Variants in PDE3A observed in about 807,000 individuals in gnomAD.
PDE3A encodes the protein phosphodiesterase 3A.
In PDE3A, 43 loss-of-function variants were observed where a neutral mutation model predicts 98.3. The ratio of observed to expected loss-of-function variants is 0.44; its 90% CI spans 0.34 to 0.56. PDE3A has a LOEUF of 0.56. Among genes scored for constraint, PDE3A ranks in the 20% least tolerant of loss-of-function variants. The pLI is 0.01. For synonymous variants in PDE3A, 663 were observed against 567.9 expected (o/e 1.17, Z -2.38); for missense variants, 1,427 against 1,440.7 (o/e 0.99, Z 0.15).
At chr12:20,668,727 G>C (rs1350260418) in intron 15 of PDE3A, among the ~76,000 whole-genome samples, 4 of 150,624 alleles carry the variant, frequency 2.7e-5, no homozygotes, top group African/African-American at 7.3e-5. Flanking sequence ...ACCAAAAGTA[G>C]ATAAAACCAC....
At chr12:20,640,049 G>A (rs1307775091) in intron 10 of PDE3A, 92 bp downstream of exon 10, 1 of 646,204 alleles carries the variant, frequency 1.5e-6, no homozygotes, top group African/African-American at 1.8e-5. Context: ...AGGTAGCACA[G>A]AATTACACAT....
chr12:20,621,055 T>C (rs1211739370), intron 4 of PDE3A, among the ~76,000 whole-genome samples: 1 of 152,108 alleles, frequency 6.6e-6, no homozygotes, highest in Non-Finnish European at 1.5e-5. Context: ...GAAAGTTATC[T>C]TTCCTCTTTG....
Position 20,613,601 on chromosome 12 carries a change from T to C in PDE3A, c.1170T>C (p.Ile390=). 1 of 1,614,074 alleles carries C rather than the reference T, an allele frequency of 6.2e-7. No homozygotes were observed. The highest frequency in any genetic ancestry group is 2.2e-5 in the East Asian group (1 of 44,872). Residue 390 remains isoleucine (I), a synonymous_variant, in exon 3 of 16, where the codon ATT becomes ATC. Coordinates refer to ENST00000359062, the MANE Select transcript of PDE3A (RefSeq NM_000921.5). ...LLSTQLTFQA[I]HKPRVNPVTS... ...GCACACAGCTCACCTTCCAGGCCAT[T>C]CACAAGCCCAGAGTGAATCCCGTCA...
intron 2 of PDE3A, among the ~76,000 whole-genome samples, chr12:20,562,672 C>T (rs151250229): frequency 6.6e-6 from 1 of 152,072 alleles, no homozygotes; most frequent in Non-Finnish European, 1.5e-5. Flanking sequence ...TTCTTGGAAC[C>T]CTCAGGCCTT....
intron 2 of PDE3A, among the ~76,000 whole-genome samples, chr12:20,601,531 A>G (rs1943591497): frequency 6.6e-6 from 1 of 152,200 alleles, no homozygotes. Context: ...TAATATTTTA[A>G]TCACAGTAGA....
chr12:20,599,474 A>C (rs1943539304), intron 2 of PDE3A, among the ~76,000 whole-genome samples: 1 of 152,168 alleles, frequency 6.6e-6, no homozygotes, highest in Non-Finnish European at 1.5e-5. Context: ...CATTGCCCAC[A>C]TCACGTTTTC....
intron 1 of PDE3A, among the ~76,000 whole-genome samples, chr12:20,400,567 C>T (rs1207000155): frequency 6.6e-6 from 1 of 151,846 alleles, no homozygotes; most frequent in Non-Finnish European, 1.5e-5. Flanking sequence ...CCACTGCGCC[C>T]GTGACCGCAC....
At chr12:20,636,805 A>G (rs1338217372) in intron 8 of PDE3A, among the ~76,000 whole-genome samples, 1 of 152,236 alleles carries the variant, frequency 6.6e-6, no homozygotes, top group African/African-American at 2.4e-5. Context: ...CAAAGTAGTT[A>G]TACTAACTTA....
chr12:20,504,805 T>C (rs1473629890), intron 1 of PDE3A, among the ~76,000 whole-genome samples: 1 of 152,122 alleles, frequency 6.6e-6, no homozygotes, highest in Non-Finnish European at 1.5e-5. Context: ...TTCTTATAAG[T>C]ACCTTGTGAT....
At chr12:20,679,395 C>T (rs1419917464) in intron 15 of PDE3A, among the ~76,000 whole-genome samples, 2 of 152,068 alleles carry the variant, frequency 1.3e-5, no homozygotes, top group Admixed American at 6.5e-5. Flanking sequence ...CTACTGGCGC[C>T]TGCCACCACG....
chr12:20,579,229 C>G (rs1350639475), intron 2 of PDE3A, among the ~76,000 whole-genome samples: 1 of 152,172 alleles, frequency 6.6e-6, no homozygotes. Context: ...CTCTTAAACA[C>G]TTTAATCCAT....
intron 2 of PDE3A, among the ~76,000 whole-genome samples, chr12:20,601,133 G>A (rs995644687): frequency 2.0e-5 from 3 of 152,168 alleles, no homozygotes; most frequent in African/African-American, 4.8e-5. Flanking sequence ...AAGCTGAATC[G>A]AGAATTGTGG....
chr12:20,537,062 A>G (rs148316598), intron 1 of PDE3A, among the ~76,000 whole-genome samples: 1 of 151,892 alleles, frequency 6.6e-6, no homozygotes, highest in Non-Finnish European at 1.5e-5. Flanking sequence ...GTTATTTTCT[A>G]TGTGTGTGTT....
chr12:20,467,266 A>G (rs987720591), intron 1 of PDE3A, among the ~76,000 whole-genome samples: 1 of 151,692 alleles, frequency 6.6e-6, no homozygotes, highest in African/African-American at 2.4e-5. Context: ...AAATGTCTGA[A>G]TGAGATCCTT....
rs1366204697 is a variant in PDE3A at position 20,462,336 on chromosome 12, T to C, written c.960+92092T>C. ...CAAAACTGTGCCTCTACTAAAAATA[T>C]GAAAATCAGCTGGGCCTGGTGGCTT... On this transcript the variant is annotated intron_variant, in intron 1 of 15. Transcript: ENST00000359062. 2.6e-5 allele frequency among the ~76,000 whole-genome samples: 4 copies of C among 151,930 alleles called. No homozygotes were observed. In the East Asian group the frequency reaches 7.8e-4, roughly 29 times the overall value.
intron 1 of PDE3A, among the ~76,000 whole-genome samples, chr12:20,513,881 C>G (rs1473250866): frequency 1.3e-5 from 2 of 152,144 alleles, no homozygotes; most frequent in Non-Finnish European, 2.9e-5. Flanking sequence ...ATACTGCCAA[C>G]TTAAAGTACT....
At chr12:20,553,653 G>C (rs547296505) in intron 1 of PDE3A, among the ~76,000 whole-genome samples, 120 of 152,142 alleles carry the variant, frequency 7.9e-4, no homozygotes, top group Middle Eastern at 3.4e-3. Flanking sequence ...CTGCCCACGA[G>C]AGCAGGGAGT....
At chr12:20,475,405 C>A (rs1360621737) in intron 1 of PDE3A, among the ~76,000 whole-genome samples, 1 of 151,970 alleles carries the variant, frequency 6.6e-6, no homozygotes, top group African/African-American at 2.4e-5. Context: ...TTTTTACAAC[C>A]CCTTCGCCTA....
chr12:20,534,709 C>A lies in PDE3A; in HGVS notation c.961-21951C>A, dbSNP rs77641726. ...ATATAGATTACCTATTTAAAGGAAT[C>A]ATATTTTTCCCCTTTGAAATGTCTG... On this transcript the variant is annotated intron_variant, in intron 1 of 15. Coordinates refer to ENST00000359062, the MANE Select transcript of PDE3A (RefSeq NM_000921.5). Among the ~76,000 whole-genome samples the A allele has an allele frequency of 8.5e-5, 13 of 152,302 alleles. No homozygotes were observed. The East Asian group carries it at 9.7e-4, about 11-fold the overall frequency.
Sources: gnomAD v4.1 joint callset for allele counts (sites outside exome capture counted in the v4.1 genomes callset) on GRCh38, gnomAD v4.1.1 for gene constraint, MANE v1.5 for transcripts, NCBI Gene and HGNC (gene_info 2026-07-23, HGNC 2026-07-21) for gene names.